Variants in LPP observed in about 807,000 individuals in gnomAD.
The protein encoded by LPP is lipoma-preferred partner.
LPP carries 38 observed loss-of-function variants against 60.4 expected under a neutral mutation model. That is an observed-to-expected ratio of 0.63 (90% CI 0.49 to 0.83). The LOEUF (loss-of-function observed/expected upper bound fraction) is 0.83. LPP is among the 40% of genes least tolerant of loss of function. The pLI is 0.00. For missense variants in LPP, 902 were observed against 783.6 expected (o/e 1.15, Z -1.80); for synonymous variants, 328 against 290.8 (o/e 1.13, Z -1.30).
chr3:188,872,585 G>GC, intron 10 of LPP, 58 bp from the exon 11 acceptor site: 1 of 1,607,052 alleles, frequency 6.2e-7, no homozygotes, highest in Non-Finnish European at 8.5e-7. Flanking sequence ...TTTTACCTCT[G>GC]CGTCCCACCT....
chr3:188,478,621 A>G (rs538012245), intron 4 of LPP, among the ~76,000 whole-genome samples: 10 of 152,306 alleles, frequency 6.6e-5, no homozygotes, highest in African/African-American at 2.2e-4. Flanking sequence ...GTCTGGGACT[A>G]TAGAATTGCC....
chr3:188,677,474 T>C (rs958188537), intron 7 of LPP, among the ~76,000 whole-genome samples: 1 of 152,188 alleles, frequency 6.6e-6, no homozygotes, highest in African/African-American at 2.4e-5. Flanking sequence ...GCCCTCTTAC[T>C]CTACTGTATA....
chr3:188,412,632 G>A (rs770071162), intron 4 of LPP, among the ~76,000 whole-genome samples: 26 of 152,144 alleles, frequency 1.7e-4, no homozygotes, highest in Non-Finnish European at 3.2e-4. Flanking sequence ...TTATTAAAGC[G>A]TTGGCTACAC....
chr3:188,852,760 G>T (rs552337866), intron 9 of LPP, among the ~76,000 whole-genome samples: 1 of 152,254 alleles, frequency 6.6e-6, no homozygotes, highest in African/African-American at 2.4e-5. Flanking sequence ...CAGTGGTATT[G>T]TATTATAGCA....
intron 8 of LPP, among the ~76,000 whole-genome samples, chr3:188,747,579 GGTAA>G (rs1726654187): frequency 6.6e-6 from 1 of 152,168 alleles, no homozygotes; most frequent in Non-Finnish European, 1.5e-5. Context: ...CAAACATTCT[GGTAA>G]GTGATAGCAG....
intron 2 of LPP, among the ~76,000 whole-genome samples, chr3:188,288,814 C>CA: frequency 2.2e-5 from 1 of 44,928 alleles, no homozygotes; most frequent in Admixed American, 1.8e-4. Context: ...TCTCTCCACC[C>CA]CCCACCCCCC....
At chr3:188,558,996 A>G (rs1830086054) in intron 6 of LPP, among the ~76,000 whole-genome samples, 1 of 152,044 alleles carries the variant, frequency 6.6e-6, no homozygotes, top group South Asian at 2.1e-4. Flanking sequence ...GGTATTATAG[A>G]GATTAGGTAA....
intron 7 of LPP, among the ~76,000 whole-genome samples, chr3:188,646,184 C>T (rs1479696741): frequency 1.3e-5 from 2 of 152,168 alleles, no homozygotes; most frequent in Non-Finnish European, 2.9e-5. Context: ...TTCATAGCTT[C>T]ATTCATTCAC....
intron 4 of LPP, among the ~76,000 whole-genome samples, chr3:188,456,089 G>T (rs74865875): frequency 4.3e-4 from 65 of 152,224 alleles, no homozygotes; most frequent in Non-Finnish European, 8.2e-4. Flanking sequence ...ATGGGATCTT[G>T]CTATGTTGTC....
At chr3:188,290,376 C>A (rs1745539615) in intron 2 of LPP, among the ~76,000 whole-genome samples, 1 of 152,126 alleles carries the variant, frequency 6.6e-6, no homozygotes, top group Non-Finnish European at 1.5e-5. Flanking sequence ...CTTGGACAAA[C>A]AACTTCACTT....
At chr3:188,382,350 G>T (rs1157330229) in intron 3 of LPP, among the ~76,000 whole-genome samples, 2 of 152,024 alleles carry the variant, frequency 1.3e-5, no homozygotes, top group Non-Finnish European at 2.9e-5. Context: ...ATTGAATCTA[G>T]GCTTTGTTAT....
At chr3:188,814,786 C>G (rs1322000126) in intron 9 of LPP, among the ~76,000 whole-genome samples, 1 of 152,200 alleles carries the variant, frequency 6.6e-6, no homozygotes, top group Non-Finnish European at 1.5e-5. Context: ...ATGTGTCACC[C>G]ACTGTGGGAA....
At chr3:188,765,785 TCCTG>T (rs945171055) in intron 9 of LPP, among the ~76,000 whole-genome samples, 1 of 151,306 alleles carries the variant, frequency 6.6e-6, no homozygotes, top group African/African-American at 2.4e-5. Flanking sequence ...AAAATGATCT[TCCTG>T]CCTCAGCCTC....
chr3:188,440,465 G>A (rs956587770), intron 4 of LPP, among the ~76,000 whole-genome samples: 3 of 152,066 alleles, frequency 2.0e-5, no homozygotes, highest in African/African-American at 7.2e-5. Context: ...AGTCCTTCAT[G>A]ATTGATAGAG....
chr3:188,609,216 A>G lies in LPP; in HGVS notation c.485A>G (p.Lys162Arg), dbSNP rs745651705. 6 of 1,613,862 alleles carry G rather than the reference A, an allele frequency of 3.7e-6. No individual in the cohort carries two copies. The highest frequency in any genetic ancestry group is 1.3e-5 in the African/African-American group (1 of 74,856). ...GTTTCGACCCCAGTCACAGGACACA[A>G]GAGAATGGTCATCCCGAACCAACCC... ...PPVSTPVTGH[K>R]RMVIPNQPPL... The change falls in exon 7 of 12, where the codon AAG (lysine) becomes AGG (arginine). Residue 162 changes from lysine to arginine, a missense_variant. Lys to Arg is a conservative substitution (Grantham distance 26). Transcript: ENST00000617246. The surrounding 1 kb of genome is among the most constrained non-coding windows in gnomAD (Gnocchi z 6.9).
At chr3:188,170,911 G>T (rs1240063304) in intron 1 of LPP, among the ~76,000 whole-genome samples, 1 of 152,176 alleles carries the variant, frequency 6.6e-6, no homozygotes, top group Non-Finnish European at 1.5e-5. Flanking sequence ...CATGCTAGAT[G>T]AGGTAGAGGA....
At chr3:188,592,546 G>GTTTTTTT (rs1553936323) in intron 6 of LPP, among the ~76,000 whole-genome samples, 1 of 98,446 alleles carries the variant, frequency 1.0e-5, no homozygotes, top group African/African-American at 3.4e-5. Context: ...ACTGTTTTTA[G>GTTTTTTT]TTTTGTTTTT....
In LPP at chr3:188,770,525, A is replaced by G. The variant is rs1349320006; in HGVS notation, c.1410+10243A>G. Among the ~76,000 whole-genome samples the G allele has an allele frequency of 7.9e-5, 12 of 152,134 alleles. No individual in the cohort carries two copies. The East Asian group carries it at 2.3e-3, about 29-fold the overall frequency. On this transcript the variant is annotated intron_variant, in intron 9 of 11. Transcript: ENST00000617246. ...ATGGATAAAGGAATGATAATTACCC[A>G]GCTGTAGCGTGGACTCCATATTAGT...
intron 4 of LPP, among the ~76,000 whole-genome samples, chr3:188,462,620 GTGTGTGTGTGTGTGTTAC>G (rs1799399055): frequency 1.5e-5 from 2 of 129,064 alleles, no homozygotes; most frequent in Admixed American, 7.6e-5. Flanking sequence ...GTGTGTGTGT[GTGTGTGTGTGTGTGTTAC>G]TTTTTTGGGT....
Sources: allele counts gnomAD v4.1 joint callset (sites outside exome capture counted in the v4.1 genomes callset), GRCh38; gene constraint gnomAD v4.1.1; non-coding constraint Gnocchi (gnomAD v3.1); transcripts MANE v1.5; gene names NCBI Gene and HGNC (gene_info 2026-07-23, HGNC 2026-07-21).